Variants in ARHGAP25 observed in about 807,000 individuals in gnomAD.
ARHGAP25 encodes Rho GTPase activating protein 25.
Under a neutral mutation model 71.0 loss-of-function variants are expected in ARHGAP25, and 34 were observed. The ratio of observed to expected loss-of-function variants is 0.48; its 90% CI spans 0.36 to 0.64. ARHGAP25 has a LOEUF of 0.64. ARHGAP25 is among the 30% of genes least tolerant of loss of function. ARHGAP25 has a pLI of 0.00. For missense variants in ARHGAP25, 706 were observed against 805.1 expected, an observed-to-expected ratio of 0.88 and a Z score of 1.49; for synonymous variants, 282 against 296.5, an observed-to-expected ratio of 0.95 and a Z score of 0.50.
At chr2:68,750,616 G>A (rs369832080) in intron 1 of ARHGAP25, among the ~76,000 whole-genome samples, 25 of 152,248 alleles carry the variant, frequency 1.6e-4, no homozygotes, top group South Asian at 1.2e-3. Flanking sequence ...CCACCGCACC[G>A]GGCCGAGCAC....
rs371769494 is a variant in ARHGAP25, at chr2:68,757,292, G to T, written c.62-17929G>T. ...GGAAAACTTCCCAAATTTGATGAAA[G>T]ACATGAATATAAACATCCAAGAAGT... On this transcript the variant is annotated intron_variant, in intron 1 of 10. Coordinates refer to ENST00000409202, the MANE Select transcript of ARHGAP25 (RefSeq NM_001007231.3). 9.2e-5 allele frequency among the ~76,000 whole-genome samples: 14 copies of T among 152,186 alleles called. No individual in the cohort carries two copies. The East Asian group carries it at 2.3e-3, about 25-fold the overall frequency.
At chr2:68,732,409 G>A (rs1675045077), upstream of ARHGAP25, among the ~76,000 whole-genome samples, 1 of 152,180 alleles carries the variant, frequency 6.6e-6, no homozygotes, top group Non-Finnish European at 1.5e-5. Flanking sequence ...AGATGGTGTC[G>A]AATTCCCCCG....
At chr2:68,779,595 T>C (rs1015594626) in intron 2 of ARHGAP25, among the ~76,000 whole-genome samples, 14 of 152,206 alleles carry the variant, frequency 9.2e-5, no homozygotes, top group African/African-American at 3.4e-4. Flanking sequence ...ACAAATTGGA[T>C]TTAAAAGTTA....
chr2:68,720,545 C>G (rs1372161550), intron 2 of ARHGAP25, among the ~76,000 whole-genome samples: 3 of 152,058 alleles, frequency 2.0e-5, no homozygotes, highest in Admixed American at 6.6e-5. Flanking sequence ...TTCCCAAAGT[C>G]CTACAGTAAG....
chr2:68,744,837 G>A (rs1675723835), intron 1 of ARHGAP25, among the ~76,000 whole-genome samples: 1 of 152,126 alleles, frequency 6.6e-6, no homozygotes, highest in African/African-American at 2.4e-5. Context: ...AGAAAACCCT[G>A]GATTTAACCA....
chr2:68,732,081 A>G (rs1360186917), upstream of ARHGAP25, among the ~76,000 whole-genome samples: 2 of 152,196 alleles, frequency 1.3e-5, no homozygotes, highest in Admixed American at 6.5e-5. Context: ...TGCTAATTCA[A>G]ACTTTGGGAC....
chr2:68,726,388 G>T (rs1674884010), intron 2 of ARHGAP25, among the ~76,000 whole-genome samples: 1 of 152,214 alleles, frequency 6.6e-6, no homozygotes, highest in African/African-American at 2.4e-5. Context: ...CCAAAAGGAG[G>T]TGTTACGTGA....
chr2:68,801,275 T>C (rs1490971280), intron 4 of ARHGAP25, among the ~76,000 whole-genome samples: 2 of 152,110 alleles, frequency 1.3e-5, no homozygotes, highest in Admixed American at 6.6e-5. Context: ...ATATTTAAAG[T>C]GGTGAGACTC....
chr2:68,787,981 G>A (rs1460576613), intron 4 of ARHGAP25, 25 bp downstream of exon 4: 3 of 1,582,222 alleles, frequency 1.9e-6, no homozygotes, highest in Non-Finnish European at 2.6e-6. Context: ...AGGCTTTCCT[G>A]GGCAGGTGCC....
Position 68,817,969 on chromosome 2 carries a change from C to T in ARHGAP25, c.978C>T (p.Val326=), listed in dbSNP as rs370968994. Residue 326 remains valine (V), a synonymous_variant, in exon 8 of 11, where the codon GTC becomes GTT. Coordinates refer to ENST00000409202, the MANE Select transcript of ARHGAP25 (RefSeq NM_001007231.3). ...VIGVNLIRSK[V]EDPAVIMRGT... is the part of the protein sequence containing the mutation. ...GTGTGAATCTCATCAGGTCGAAGGTCGAAGACCCTGCCGTGATCATGAGAG... is the reference window on the plus strand; with the variant it reads ...GTGTGAATCTCATCAGGTCGAAGGTTGAAGACCCTGCCGTGATCATGAGAG... The T allele has an allele frequency of 5.0e-6, 8 of 1,613,990 alleles. No homozygotes were observed. In the African/African-American group the frequency reaches 6.7e-5, roughly 13 times the overall value.
chr2:68,775,227 CAAGGAGTGTGATGACTGGCGAG>C lies in ARHGAP25; in HGVS notation c.69_90del (p.Ser25TrpfsTer22), dbSNP rs1677797884. The C allele has an allele frequency of 6.2e-7, 1 of 1,614,134 alleles. No homozygotes were observed. The highest frequency in any genetic ancestry group is 1.3e-5 in the African/African-American group (1 of 74,952). ...TGTCTGTTCCTCTCTATAGCTCGGT[CAAGGAGTGTGATGACTGGCGAG>C]CAGATGGCTGCCTTCCATCCATCGT... On this transcript the variant is annotated frameshift_variant, in exon 2 of 11. Transcript: ENST00000409202. LOFTEE classifies it high-confidence loss of function.
At chr2:68,824,464 C>T (rs536657037) in intron 10 of ARHGAP25, among the ~76,000 whole-genome samples, 21 of 152,272 alleles carry the variant, frequency 1.4e-4, no homozygotes, top group East Asian at 1.2e-3. Flanking sequence ...AAGGAATGGC[C>T]GGGCGTGGTG....
intron 5 of ARHGAP25, 132 bp from the exon 6 acceptor site, chr2:68,813,155 C>G (rs1680955292): frequency 1.0e-6 from 1 of 968,892 alleles, no homozygotes; most frequent in Non-Finnish European, 1.4e-6. Flanking sequence ...TCTTCTTTAT[C>G]AGACTACTCC....
intron 1 of ARHGAP25, among the ~76,000 whole-genome samples, chr2:68,747,523 C>G (rs1675910764): frequency 6.6e-6 from 1 of 152,210 alleles, no homozygotes; most frequent in Non-Finnish European, 1.5e-5. Flanking sequence ...TTCCGTTTAT[C>G]CAACCTTAAA....
chr2:68,763,515 G>C (rs745966112), intron 1 of ARHGAP25, among the ~76,000 whole-genome samples: 2 of 152,094 alleles, frequency 1.3e-5, no homozygotes, highest in Non-Finnish European at 1.5e-5. Flanking sequence ...CTAAGAATGT[G>C]ATCTTCTGTT....
At chr2:68,819,718 G>GA (rs1681499128) in intron 9 of ARHGAP25, 1 of 517,568 alleles carries the variant, frequency 1.9e-6, no homozygotes, top group Admixed American at 3.4e-5. Context: ...GCTAACCCAT[G>GA]AAACGTGATT....
intron 4 of ARHGAP25, among the ~76,000 whole-genome samples, chr2:68,806,635 G>A (rs530326273): frequency 1.3e-5 from 2 of 152,330 alleles, no homozygotes; most frequent in South Asian, 2.1e-4. Context: ...TGGACCGAGC[G>A]GGACCGCGAG....
intron 3 of ARHGAP25, among the ~76,000 whole-genome samples, chr2:68,782,711 C>A (rs986910130): frequency 6.6e-6 from 1 of 152,180 alleles, no homozygotes; most frequent in African/African-American, 2.4e-5. Context: ...AATGGAACCA[C>A]GTGAAATTGC....
At chr2:68,816,020 T>C (rs897771504) in intron 6 of ARHGAP25, 1 of 469,000 alleles carries the variant, frequency 2.1e-6, no homozygotes, top group African/African-American at 2.0e-5. Context: ...TTCCTTAGAG[T>C]AGCTCAGGGT....
Sources: allele counts gnomAD v4.1 joint callset (sites outside exome capture counted in the v4.1 genomes callset), GRCh38; gene constraint gnomAD v4.1.1; transcripts MANE v1.5; gene names NCBI Gene and HGNC (gene_info 2026-07-23, HGNC 2026-07-21).